The following BRWD3 variants were observed in gnomAD, a reference collection of about 807,000 sequenced individuals.
The protein encoded by BRWD3 is bromodomain and WD repeat-containing protein 3.
BRWD3 carries 10 observed loss-of-function variants against 149.7 expected under a neutral mutation model. The observed-to-expected ratio is 0.07, with a 90% confidence interval of 0.04 to 0.11. The LOEUF (loss-of-function observed/expected upper bound fraction) is 0.11, where lower values mean the gene tolerates loss of function less well. Ranked by LOEUF, BRWD3 falls within the 10% of genes least tolerant of loss-of-function variation. BRWD3 has a pLI of 1.00. For missense variants in BRWD3, 940 were observed against 1,373.2 expected (o/e 0.68, Z 4.99); for synonymous variants, 504 against 456.7 (o/e 1.10, Z -1.32).
chrX:80,692,706 A>G (rs1203094282), intron 28 of BRWD3, among the ~76,000 whole-genome samples: 2 of 112,282 alleles, frequency 1.8e-5, no homozygotes, highest in Non-Finnish European at 3.8e-5. Flanking sequence ...CAAAAGAGGT[A>G]GCAATAAAGT....
At chrX:80,723,442 A>G (rs2073177719) in intron 16 of BRWD3, among the ~76,000 whole-genome samples, 1 of 111,122 alleles carries the variant, frequency 9.0e-6, no homozygotes, top group Non-Finnish European at 1.9e-5. Flanking sequence ...GAAGTAGAAG[A>G]TGTGATGTGT....
rs1401727978 is a variant in BRWD3, at chrX:80,735,200, A to G, written c.915-3T>C. ...CAGTAAATTTCACCGGGCGATCTCT[A>G]AAGATAAAAATAAGGTGTTTTTGTG... is the stretch of plus-strand genomic sequence containing the variant. On this transcript the variant is annotated splice_region_variant and splice_polypyrimidine_tract_variant and intron_variant, in intron 9 of 40. Coordinates refer to ENST00000373275, the MANE Select transcript of BRWD3 (RefSeq NM_153252.5). 2 of 1,198,400 alleles carry G rather than the reference A, an allele frequency of 1.7e-6. No homozygotes were observed. Among genetic ancestry groups the G allele is most frequent in the East Asian group, 5.9e-5 (2 of 33,678 alleles).
intron 40 of BRWD3, among the ~76,000 whole-genome samples, chrX:80,680,932 C>T (rs1468508969): frequency 2.8e-5 from 3 of 106,578 alleles, no homozygotes; most frequent in Admixed American, 2.0e-4. Flanking sequence ...CTCAGCTTCC[C>T]GAGTAGGTAT....
intron 20 of BRWD3, among the ~76,000 whole-genome samples, chrX:80,714,219 CTTTTTTT>C (rs987098536): frequency 3.2e-5 from 2 of 61,802 alleles, no homozygotes; most frequent in Admixed American, 2.2e-4. Context: ...AAACCTTCAT[CTTTTTTT>C]TTTTTTTTTT....
intron 20 of BRWD3, among the ~76,000 whole-genome samples, chrX:80,711,332 G>A (rs2072964547): frequency 9.0e-6 from 1 of 111,685 alleles, no homozygotes; most frequent in African/African-American, 3.3e-5. Flanking sequence ...CCTCACAAAC[G>A]ACAAAGTCTC....
At chrX:80,752,694 A>C (rs1331966701) in intron 6 of BRWD3, among the ~76,000 whole-genome samples, 1 of 111,387 alleles carries the variant, frequency 9.0e-6, no homozygotes, top group Non-Finnish European at 1.9e-5. Flanking sequence ...TCTTGAGATG[A>C]AGTCTTGCTC....
In BRWD3 at chrX:80,691,005, A is replaced by G. The variant is rs372250213; in HGVS notation, c.3602+48T>C. ...TGCAGATCTCAAAAAGGAAAGCAAA[A>G]GCCATAAAGCTATAAATTTTATAAT... On this transcript the variant is annotated intron_variant, in intron 31 of 40. Coordinates refer to ENST00000373275, the MANE Select transcript of BRWD3 (RefSeq NM_153252.5). 156 of 1,176,920 alleles carry G rather than the reference A, an allele frequency of 1.3e-4. No individual in the cohort carries two copies. In the African/African-American group the frequency reaches 2.6e-3, roughly 20 times the overall value.
In BRWD3 at chrX:80,789,549, G is replaced by A. The variant is rs768745819; in HGVS notation, c.430+2305C>T. Among the ~76,000 whole-genome samples, 25 of 109,792 alleles carry A rather than the reference G, an allele frequency of 2.3e-4. 1 individual carries two copies. In the South Asian group the frequency reaches 4.4e-3, roughly 19 times the overall value. On this transcript the variant is annotated intron_variant, in intron 6 of 40. Transcript: ENST00000373275. The stretch of plus-strand genomic sequence containing the variant: ...TGCCACCACGCCCAGCTAATTTTTC[G>A]TATTTTTTAGTAGAGACGGGGTTTC...
chrX:80,742,715 T>C (rs765203810), intron 8 of BRWD3, among the ~76,000 whole-genome samples: 2 of 111,227 alleles, frequency 1.8e-5, no homozygotes, highest in East Asian at 5.7e-4. Context: ...TATTGGTGTA[T>C]AGGAATGCTT....
chrX:80,741,776 ATTTG>A (rs1337075200), intron 8 of BRWD3, among the ~76,000 whole-genome samples: 1 of 111,263 alleles, frequency 9.0e-6, no homozygotes, highest in East Asian at 2.8e-4. Flanking sequence ...TTTCTTGTAA[ATTTG>A]TTTGAGTTCA....
intron 6 of BRWD3, among the ~76,000 whole-genome samples, chrX:80,789,035 C>T (rs769759853): frequency 8.9e-6 from 1 of 111,845 alleles, no homozygotes; most frequent in South Asian, 3.8e-4. Flanking sequence ...TTGAACTGCA[C>T]ACTTAAAAAG....
rs191690327 is a variant in BRWD3, at chrX:80,674,286, C to T, written c.*2323G>A. The T allele has an allele frequency of 6.7e-3, 750 of 111,487 alleles. 6 individuals carry two copies. The highest frequency in any genetic ancestry group is 0.022 in the African/African-American group (684 of 30,814). The allele number at this position is 111,487 out of a possible 1,213,427, so 9.2% of individuals were successfully genotyped here. Reference sequence around the variant, plus strand: ...ATTATCTAATTCTAGAAAATCTTGACATTTGGGAAATAAATGTGGCATTTT... The same window carrying T: ...ATTATCTAATTCTAGAAAATCTTGATATTTGGGAAATAAATGTGGCATTTT... On this transcript the variant is annotated 3_prime_UTR_variant, in exon 41 of 41. Transcript: ENST00000373275.
chrX:80,691,736 C>G (rs2072613846), intron 30 of BRWD3, 87 bp downstream of exon 30: 1 of 1,083,172 alleles, frequency 9.2e-7, no homozygotes, highest in Admixed American at 2.2e-5. Flanking sequence ...CAGTGAGAAA[C>G]TGCATATCCT....
At chrX:80,767,298 G>C (rs1389593065) in intron 6 of BRWD3, among the ~76,000 whole-genome samples, 1 of 111,580 alleles carries the variant, frequency 9.0e-6, no homozygotes, top group Non-Finnish European at 1.9e-5. Flanking sequence ...CTTCCCATTA[G>C]GGGCCAACAA....
chrX:80,764,681 T>G (rs2073839932), intron 6 of BRWD3, among the ~76,000 whole-genome samples: 1 of 110,240 alleles, frequency 9.1e-6, no homozygotes, highest in Non-Finnish European at 1.9e-5. Context: ...GTAAACAGGG[T>G]GTCATCAAAT....
rs1235911117 is a variant in BRWD3 at position 80,794,760 on chromosome X, T to C, written c.181-988A>G. Among the ~76,000 whole-genome samples the C allele has an allele frequency of 2.7e-5, 3 of 110,644 alleles. 1 individual carries two copies. Among genetic ancestry groups the C allele is most frequent in the Middle Eastern group, 8.4e-3 (2 of 237 alleles). On this transcript the variant is annotated intron_variant, in intron 4 of 40. Coordinates refer to ENST00000373275, the MANE Select transcript of BRWD3 (RefSeq NM_153252.5). ...GTCATTTGCTTAGCTGTTAATCTTATGAAATAAGTGTTACAAAGCAACTAA... is the reference window on the plus strand; with the variant it reads ...GTCATTTGCTTAGCTGTTAATCTTACGAAATAAGTGTTACAAAGCAACTAA...
At chrX:80,802,564 GTC>G (rs1181744197) in intron 4 of BRWD3, among the ~76,000 whole-genome samples, 1 of 109,495 alleles carries the variant, frequency 9.1e-6, no homozygotes, top group Non-Finnish European at 1.9e-5. Context: ...TGGCTATTCG[GTC>G]TCTCTATCCT....
chrX:80,719,417 T>C (rs1461013108), intron 18 of BRWD3, 72 bp downstream of exon 18: 5 of 959,904 alleles, frequency 5.2e-6, no homozygotes, highest in Non-Finnish European at 7.2e-6. Context: ...ATATTTTCCA[T>C]GTAATTATTT....
chrX:80,730,951 T>A (rs968482334), intron 12 of BRWD3, among the ~76,000 whole-genome samples: 2 of 111,902 alleles, frequency 1.8e-5, no homozygotes, highest in East Asian at 5.6e-4. Context: ...ATTAATCCCT[T>A]AATGATCAAC....
Sources: gnomAD v4.1 joint callset for allele counts (sites outside exome capture counted in the v4.1 genomes callset) on GRCh38, gnomAD v4.1.1 for gene constraint, MANE v1.5 for transcripts, NCBI Gene and HGNC (gene_info 2026-07-23, HGNC 2026-07-21) for gene names.